The following PPP5C variants were observed in gnomAD, a reference collection of about 807,000 sequenced individuals.
PPP5C encodes serine/threonine-protein phosphatase 5.
In PPP5C, 21 loss-of-function variants were observed where a neutral mutation model predicts 66.7. The observed-to-expected ratio is 0.31, with a 90% CI of 0.22 to 0.45. PPP5C has a LOEUF of 0.45. Ranked by LOEUF, PPP5C falls within the 20% of genes least tolerant of loss-of-function variation. The pLI is 1.00. For missense variants in PPP5C, 464 were observed against 675.9 expected (o/e 0.69, Z 3.48); for synonymous variants, 246 against 257.4 (o/e 0.96, Z 0.43).
At chr19:46,357,181 G>A (rs768232530) in intron 2 of PPP5C, among the ~76,000 whole-genome samples, 27 of 152,186 alleles carry the variant, frequency 1.8e-4, no homozygotes, top group Non-Finnish European at 2.2e-4. Flanking sequence ...CCAAGTAGCT[G>A]GGACTACAGG....
At chr19:46,361,091 T>C (rs2147370515) in intron 2 of PPP5C, among the ~76,000 whole-genome samples, 1 of 152,166 alleles carries the variant, frequency 6.6e-6, no homozygotes. Context: ...TGTTTTGTTT[T>C]GTGTTTTGCA....
intron 2 of PPP5C, among the ~76,000 whole-genome samples, chr19:46,372,037 T>G (rs1972602108): frequency 6.6e-6 from 1 of 152,198 alleles, no homozygotes. Flanking sequence ...CCTGAACTAC[T>G]AAGAAGCTGC....
At chr19:46,367,523 T>C (rs911767789) in intron 2 of PPP5C, among the ~76,000 whole-genome samples, 6 of 152,054 alleles carry the variant, frequency 3.9e-5, no homozygotes, top group African/African-American at 1.4e-4. Context: ...ATCAAAGGCT[T>C]AGGGAAATTG....
chr19:46,376,707 C>T lies in PPP5C; in HGVS notation c.633+133C>T, dbSNP rs1318502050. On this transcript the variant is annotated intron_variant, in intron 4 of 12. Coordinates refer to ENST00000012443, the MANE Select transcript of PPP5C (RefSeq NM_006247.4). This position sits in a 1 kb window ranked among gnomAD's most constrained non-coding sequence, Gnocchi z 5.1. ...CCAACACCAAACAGGAGTCGTGTGC[C>T]GGACACTGTGCCGAGGGCTTACCAC... 8.5e-6 allele frequency: 11 copies of T among 1,294,866 alleles called. No individual in the cohort carries two copies. Among genetic ancestry groups the T allele is most frequent in the South Asian group, 2.8e-5 (2 of 70,500 alleles). 80.2% of individuals were successfully genotyped at this position (1,294,866 alleles called of 1,614,324 possible).
At chr19:46,347,359 G>A in intron 1 of PPP5C, 142 bp downstream of exon 1, 3 of 1,322,262 alleles carry the variant, frequency 2.3e-6, no homozygotes, top group Non-Finnish European at 3.0e-6. Flanking sequence ...GCCCAGGATG[G>A]CGCTGCCAAG....
intron 4 of PPP5C, chr19:46,382,837 A>G: frequency 9.6e-7 from 1 of 1,037,180 alleles, no homozygotes; most frequent in South Asian, 3.5e-5. Context: ...AACATTGACA[A>G]ATATGCATGT....
intron 1 of PPP5C, among the ~76,000 whole-genome samples, chr19:46,349,331 G>A (rs545092767): frequency 6.6e-6 from 1 of 152,198 alleles, no homozygotes; most frequent in South Asian, 2.1e-4. Context: ...GGGAAAGATG[G>A]ATTTTTTGTA....
At chr19:46,347,638 A>G (rs1568561854) in intron 1 of PPP5C, among the ~76,000 whole-genome samples, 2 of 115,558 alleles carry the variant, frequency 1.7e-5, no homozygotes, top group South Asian at 3.1e-4. Flanking sequence ...AGAGAAGGCA[A>G]TCGTGGGGGT....
intron 7 of PPP5C, 106 bp from the exon 8 acceptor site, chr19:46,386,987 T>C: frequency 6.6e-7 from 1 of 1,520,136 alleles, no homozygotes; most frequent in Non-Finnish European, 9.0e-7. Context: ...GCGAGGCCCA[T>C]GGGGGCAAGG....
intron 2 of PPP5C, among the ~76,000 whole-genome samples, chr19:46,372,435 A>T (rs2147385176): frequency 6.7e-6 from 1 of 150,314 alleles, no homozygotes; most frequent in South Asian, 2.1e-4. Flanking sequence ...CTGGTCTTGA[A>T]CTCCTGAGCT....
chr19:46,390,652 C>G lies in PPP5C; in HGVS notation c.*306C>G. On this transcript the variant is annotated 3_prime_UTR_variant, in exon 13 of 13. Transcript: ENST00000012443. ...GGGGCCGAGTGGCTGCCCTGCCCCC[C>G]TCATTTGCATGGCTCCTCCCCCACT... is the stretch of plus-strand genomic sequence containing the variant. 2.4e-6 allele frequency: 3 copies of G among 1,274,720 alleles called. No homozygotes were observed. Among genetic ancestry groups the G allele is most frequent in the South Asian group, 3.3e-5 (2 of 60,938 alleles). 79.0% of individuals were successfully genotyped at this position (1,274,720 alleles called of 1,614,324 possible).
intron 2 of PPP5C, among the ~76,000 whole-genome samples, chr19:46,355,378 C>T (rs892579864): frequency 4.7e-5 from 7 of 149,970 alleles, no homozygotes; most frequent in African/African-American, 1.7e-4. Context: ...CTGGGAGCCG[C>T]GAGTCTGCAG....
rs905429830 is a variant in PPP5C, at chr19:46,368,271, G to C, written c.364-7333G>C. Among the ~76,000 whole-genome samples, 4 of 152,242 alleles carry C rather than the reference G, an allele frequency of 2.6e-5. No homozygotes were observed. In the South Asian group the frequency reaches 8.3e-4, roughly 31 times the overall value. On this transcript the variant is annotated intron_variant, in intron 2 of 12. Transcript: ENST00000012443. Reference sequence around the variant, plus strand: ...CAGGGGATTATCGTAAGCTTCACCAGGTGGTGACCCCAGTTGCAGCTGCTG... The same window carrying C: ...CAGGGGATTATCGTAAGCTTCACCACGTGGTGACCCCAGTTGCAGCTGCTG...
At chr19:46,360,121 G>T (rs1011120219) in intron 2 of PPP5C, among the ~76,000 whole-genome samples, 1 of 152,138 alleles carries the variant, frequency 6.6e-6, no homozygotes, top group African/African-American at 2.4e-5. Flanking sequence ...AACAATAATT[G>T]CCTGTGTATG....
At chr19:46,385,779 A>T (rs1227610169) in intron 7 of PPP5C, among the ~76,000 whole-genome samples, 1 of 137,344 alleles carries the variant, frequency 7.3e-6, no homozygotes, top group African/African-American at 2.6e-5. Context: ...GACTCAGTCT[A>T]AAAAAAAAAA....
chr19:46,377,562 G>T (rs1244491712), intron 4 of PPP5C, among the ~76,000 whole-genome samples: 1 of 152,208 alleles, frequency 6.6e-6, no homozygotes, highest in Admixed American at 6.5e-5. Context: ...TGTCCTGTTA[G>T]ATGAGTTTTT....
intron 2 of PPP5C, among the ~76,000 whole-genome samples, chr19:46,359,044 G>T (rs767844974): frequency 6.6e-6 from 1 of 152,062 alleles, no homozygotes; most frequent in African/African-American, 2.4e-5. Context: ...TTTCCCTTTT[G>T]GTCAAAATCT....
intron 2 of PPP5C, among the ~76,000 whole-genome samples, chr19:46,372,013 G>C (rs903637429): frequency 9.9e-5 from 15 of 152,172 alleles, no homozygotes; most frequent in African/African-American, 3.6e-4. Context: ...AGCTCGTTCA[G>C]TGGCAAAACC....
At chr19:46,369,195 A>AAACCT (rs138823308) in intron 2 of PPP5C, among the ~76,000 whole-genome samples, 2,507 of 152,316 alleles carry the variant, frequency 0.016, 78 homozygotes, top group African/African-American at 0.058. Flanking sequence ...GTGCTTACAC[A>AAACCT]AACCTCGATG....
Sources: allele counts gnomAD v4.1 joint callset (sites outside exome capture counted in the v4.1 genomes callset), GRCh38; gene constraint gnomAD v4.1.1; non-coding constraint Gnocchi (gnomAD v3.1); transcripts MANE v1.5; gene names NCBI Gene and HGNC (gene_info 2026-07-23, HGNC 2026-07-21).